RBMS3: variants seen among roughly 807,000 people sequenced by gnomAD.
RBMS3 encodes RNA binding motif single stranded interacting protein 3, also known as RNA-binding motif, single-stranded-interacting protein 3.
RBMS3 carries 27 observed loss-of-function variants against 66.8 expected under a neutral mutation model. That is an observed-to-expected ratio of 0.40 (90% confidence interval 0.30 to 0.56). The LOEUF is 0.56. Among genes scored for constraint, RBMS3 ranks in the 20% least tolerant of loss-of-function variants. The pLI is 0.40. For missense variants in RBMS3, 513 were observed against 549.5 expected, an observed-to-expected ratio of 0.93 and a Z score of 0.66; for synonymous variants, 188 against 183.0, an observed-to-expected ratio of 1.03 and a Z score of -0.22.
chr3:29,974,186 C>T (rs193267250), intron 12 of RBMS3, among the ~76,000 whole-genome samples: 88 of 151,998 alleles, frequency 5.8e-4, no homozygotes, highest in African/African-American at 2.1e-3. Flanking sequence ...TTACATAACC[C>T]TGGTCCATTC....
chr3:29,388,111 A>ATG (rs1475048500), intron 1 of RBMS3, among the ~76,000 whole-genome samples: 39,979 of 140,034 alleles, frequency 0.29, 5,355 homozygotes, highest in African/African-American at 0.36. Flanking sequence ...ACACACACAC[A>ATG]TGTGTGTGTA....
chr3:29,353,547 G>C (rs528360284), intron 1 of RBMS3, among the ~76,000 whole-genome samples: 2 of 151,956 alleles, frequency 1.3e-5, no homozygotes, highest in South Asian at 4.1e-4. Flanking sequence ...TTGTAATCAT[G>C]CTTCATTTTG....
chr3:29,734,203 T>A (rs907635739), intron 4 of RBMS3, among the ~76,000 whole-genome samples: 1 of 152,012 alleles, frequency 6.6e-6, no homozygotes, highest in Non-Finnish European at 1.5e-5. Flanking sequence ...CTTGAACTCA[T>A]AGAAGCAGAG....
chr3:29,737,928 T>C (rs916537840), intron 4 of RBMS3, among the ~76,000 whole-genome samples: 2 of 152,006 alleles, frequency 1.3e-5, no homozygotes, highest in Non-Finnish European at 2.9e-5. Flanking sequence ...ATTCAGTTTC[T>C]ATATGTAAAC....
rs1436721121 is a variant in RBMS3 at position 29,445,654 on chromosome 3, A to C, written c.248+10739A>C. 4.6e-5 allele frequency among the ~76,000 whole-genome samples: 7 copies of C among 152,286 alleles called. No individual in the cohort carries two copies. In the East Asian group the frequency reaches 5.8e-4, roughly 13 times the overall value. ...AGCATATCTGTGTATTTGGCATAAT[A>C]AAAATGAAAGCTTTTTATCTGAAAA... On this transcript the variant is annotated intron_variant, in intron 2 of 14. Coordinates refer to ENST00000383767, the MANE Select transcript of RBMS3 (RefSeq NM_001003793.3).
chr3:29,322,677 T>C (rs894880417), intron 1 of RBMS3, among the ~76,000 whole-genome samples: 1 of 152,038 alleles, frequency 6.6e-6, no homozygotes, highest in Non-Finnish European at 1.5e-5. Flanking sequence ...TCAGGAAAGA[T>C]GGCATATAAG....
At chr3:29,625,670 C>A (rs1272416161) in intron 4 of RBMS3, among the ~76,000 whole-genome samples, 1 of 149,666 alleles carries the variant, frequency 6.7e-6, no homozygotes, top group Non-Finnish European at 1.5e-5. Flanking sequence ...TGCACTCCAG[C>A]CTGGGCAAAA....
chr3:29,734,382 T>C (rs2054284079), intron 4 of RBMS3, among the ~76,000 whole-genome samples: 1 of 152,080 alleles, frequency 6.6e-6, no homozygotes, highest in Non-Finnish European at 1.5e-5. Context: ...TATTTTTAAA[T>C]ACCTAGAAGA....
chr3:29,994,561 C>T (rs1189170267), intron 14 of RBMS3, among the ~76,000 whole-genome samples: 2 of 152,216 alleles, frequency 1.3e-5, no homozygotes, highest in African/African-American at 4.8e-5. Context: ...CAGTGGTTCT[C>T]CCAGCACGCA....
At chr3:29,669,352 C>A (rs114598371) in intron 4 of RBMS3, among the ~76,000 whole-genome samples, 4,131 of 152,250 alleles carry the variant, frequency 0.027, 79 homozygotes, top group Admixed American at 0.064. Flanking sequence ...CATACTGTTT[C>A]TCCTCACTCT....
At chr3:29,787,064 C>A (rs2056845349) in intron 6 of RBMS3, among the ~76,000 whole-genome samples, 1 of 151,902 alleles carries the variant, frequency 6.6e-6, no homozygotes, top group Admixed American at 6.6e-5. Flanking sequence ...AAATGGCCAA[C>A]AAGCAAATGG....
chr3:29,524,904 A>G (rs911350307), intron 3 of RBMS3, among the ~76,000 whole-genome samples: 1 of 151,960 alleles, frequency 6.6e-6, no homozygotes, highest in African/African-American at 2.4e-5. Flanking sequence ...AATTTTTTTT[A>G]ATTAGCTGGC....
chr3:29,896,301 A>G (rs2060122229), intron 8 of RBMS3, among the ~76,000 whole-genome samples: 1 of 151,428 alleles, frequency 6.6e-6, no homozygotes, highest in African/African-American at 2.4e-5. Flanking sequence ...TCTATTTAAA[A>G]TATCACTGAC....
At chr3:29,543,516 C>T (rs2149016437) in intron 3 of RBMS3, among the ~76,000 whole-genome samples, 1 of 152,190 alleles carries the variant, frequency 6.6e-6, no homozygotes, top group African/African-American at 2.4e-5. Flanking sequence ...CCAGACCAGC[C>T]TGGGCAACAT....
intron 4 of RBMS3, among the ~76,000 whole-genome samples, chr3:29,604,353 A>G (rs560223174): frequency 6.6e-6 from 1 of 152,084 alleles, no homozygotes; most frequent in African/African-American, 2.4e-5. Context: ...TTTGTAGTTT[A>G]TTGTACCTCC....
chr3:29,761,440 A>G (rs368838410), intron 5 of RBMS3, among the ~76,000 whole-genome samples: 10 of 152,070 alleles, frequency 6.6e-5, no homozygotes, highest in African/African-American at 2.4e-4. Context: ...CCACTGAGCC[A>G]CATGCTTGCT....
At chr3:29,317,966 A>G (rs930455706) in intron 1 of RBMS3, among the ~76,000 whole-genome samples, 11 of 151,706 alleles carry the variant, frequency 7.3e-5, no homozygotes, top group African/African-American at 2.7e-4. Flanking sequence ...ATCTTATTTT[A>G]TCTTAGTTAA....
intron 4 of RBMS3, among the ~76,000 whole-genome samples, chr3:29,712,924 C>G (rs2053236317): frequency 6.6e-6 from 1 of 152,058 alleles, no homozygotes; most frequent in African/African-American, 2.4e-5. Context: ...TCTTTGTTTC[C>G]ATAATTATGT....
intron 3 of RBMS3, among the ~76,000 whole-genome samples, chr3:29,492,569 G>A (rs913260400): frequency 6.6e-6 from 1 of 152,148 alleles, no homozygotes; most frequent in African/African-American, 2.4e-5. Flanking sequence ...TGATACTAGG[G>A]ATCTGTAGAC....
Sources: allele counts gnomAD v4.1 joint callset (sites outside exome capture counted in the v4.1 genomes callset), GRCh38; gene constraint gnomAD v4.1.1; transcripts MANE v1.5; gene names NCBI Gene and HGNC (gene_info 2026-07-23, HGNC 2026-07-21).